The following ABHD2 variants were observed in gnomAD, a reference collection of about 807,000 sequenced individuals.
ABHD2 encodes monoacylglycerol lipase ABHD2.
In ABHD2, 20 loss-of-function variants were observed where a neutral mutation model predicts 48.1. That is an observed-to-expected ratio of 0.42 (90% confidence interval 0.29 to 0.60). The LOEUF (loss-of-function observed/expected upper bound fraction) is 0.60. ABHD2 is among the 20% of genes least tolerant of loss of function. The probability of loss-of-function intolerance (pLI) is 0.24; values close to 1 mark genes in which losing one functional copy is unlikely to be tolerated. For missense variants in ABHD2, 405 were observed against 550.9 expected (o/e 0.74, Z 2.65); for synonymous variants, 209 against 214.2 (o/e 0.98, Z 0.21).
rs1191625427 is a variant in ABHD2 at position 89,185,061 on chromosome 15, A to G, written c.723-363A>G. 6.6e-6 allele frequency among the ~76,000 whole-genome samples: 1 copy of G among 152,232 alleles called. No homozygotes were observed. Among genetic ancestry groups the G allele is most frequent in the Non-Finnish European group, 1.5e-5 (1 of 68,030 alleles). On this transcript the variant is annotated intron_variant, in intron 6 of 10. Transcript: ENST00000352732. The surrounding 1 kb of genome is among the most constrained non-coding windows in gnomAD (Gnocchi z 5.9). The stretch of plus-strand genomic sequence containing the variant: ...AAACCAGAAAACTTGCCTGCCAGGT[A>G]GGGAGCCAAATACAGAAAGTGTTCA...
intron 5 of ABHD2, among the ~76,000 whole-genome samples, chr15:89,171,254 T>C (rs527827333): frequency 1.3e-5 from 2 of 152,292 alleles, no homozygotes; most frequent in East Asian, 3.9e-4. Flanking sequence ...CCCAGACCAG[T>C]GGAATCAGAA....
rs1187886381 is a variant in ABHD2, at chr15:89,173,888, T to A, written c.539-1924T>A. ...AAAGTTGGTGCCTGGGTCCTGCTGT[T>A]TGGGAGGAAGCAGCTCTTGGCCCGG... On this transcript the variant is annotated intron_variant, in intron 5 of 10. Coordinates refer to ENST00000352732, the MANE Select transcript of ABHD2 (RefSeq NM_152924.5). The surrounding 1 kb of genome is among the most constrained non-coding windows in gnomAD (Gnocchi z 6.5). 1.3e-5 allele frequency among the ~76,000 whole-genome samples: 2 copies of A among 152,170 alleles called. No individual in the cohort carries two copies. Among genetic ancestry groups the A allele is most frequent in the African/African-American group, 4.8e-5 (2 of 41,436 alleles).
chr15:89,147,632 C>T (rs796855836), intron 3 of ABHD2, among the ~76,000 whole-genome samples: 187 of 151,406 alleles, frequency 1.2e-3, no homozygotes, highest in African/African-American at 4.2e-3. Flanking sequence ...GGATTACAGG[C>T]GTGAGCCACT....
In ABHD2 at chr15:89,157,336, G is replaced by A. The variant is rs151014098; in HGVS notation, c.538+1802G>A. Among the ~76,000 whole-genome samples, 445 of 152,150 alleles carry A rather than the reference G, an allele frequency of 2.9e-3. 1 individual carries two copies. The highest frequency in any genetic ancestry group is 0.01 in the Middle Eastern group (3 of 294). Reference sequence around the variant, plus strand: ...CCTCCAGCAAGGTCATTCCAATTACGTTGCCACTGGTAACATGCAAGGGCA... The same window carrying A: ...CCTCCAGCAAGGTCATTCCAATTACATTGCCACTGGTAACATGCAAGGGCA... On this transcript the variant is annotated intron_variant, in intron 5 of 10. Coordinates refer to ENST00000352732, the MANE Select transcript of ABHD2 (RefSeq NM_152924.5).
Position 89,114,145 on chromosome 15 carries a change from CTTTG to C in ABHD2, c.-7+326_-7+329del, listed in dbSNP as rs1479910837. On this transcript the variant is annotated intron_variant, in intron 2 of 10. Coordinates refer to ENST00000352732, the MANE Select transcript of ABHD2 (RefSeq NM_152924.5). The surrounding 1 kb of genome is among the most constrained non-coding windows in gnomAD (Gnocchi z 4.2). ...GCATCATCTTGGACATTTGTTTAGC[CTTTG>C]TTTGGCATCCGTGGCAGGGTTTGGA... Among the ~76,000 whole-genome samples, 2 of 152,178 alleles carry C rather than the reference CTTTG, an allele frequency of 1.3e-5. No homozygotes were observed. Among genetic ancestry groups the C allele is most frequent in the African/African-American group, 2.4e-5 (1 of 41,438 alleles).
chr15:89,055,202 A>AC, the ABHD2 span, among the ~76,000 whole-genome samples: 1 of 151,776 alleles, frequency 6.6e-6, no homozygotes, highest in South Asian at 2.1e-4. Flanking sequence ...AGTCCAAAAA[A>AC]CTTTTTTTTT....
At chr15:89,111,816 T>A (rs74777716) in intron 1 of ABHD2, among the ~76,000 whole-genome samples, 1 of 152,194 alleles carries the variant, frequency 6.6e-6, no homozygotes, top group Non-Finnish European at 1.5e-5. Flanking sequence ...TCAAATAGTT[T>A]GTGGAAAGAG....
the ABHD2 span, among the ~76,000 whole-genome samples, chr15:89,078,587 T>C: frequency 6.6e-6 from 1 of 152,218 alleles, no homozygotes; most frequent in African/African-American, 2.4e-5. Flanking sequence ...CGGAAGGCCA[T>C]CTATCTCCCC....
rs1422800825 is a variant in ABHD2 at position 89,135,610 on chromosome 15, TCTTC to T, written c.195-16062_195-16059del. On this transcript the variant is annotated intron_variant, in intron 3 of 10. Transcript: ENST00000352732. ...CTCTTCATCTTCCTCATCTTCCTCC[TCTTC>T]CTTCTTTTTCTTGCTTTTTTCAGCC... 4 of 1,544,920 alleles carry T rather than the reference TCTTC, an allele frequency of 2.6e-6. No individual in the cohort carries two copies. In the African/African-American group the frequency reaches 4.1e-5, roughly 16 times the overall value.
intron 3 of ABHD2, among the ~76,000 whole-genome samples, chr15:89,129,434 T>C (rs1295563797): frequency 6.6e-6 from 1 of 152,092 alleles, no homozygotes; most frequent in African/African-American, 2.4e-5. Flanking sequence ...TTTTTGAGAA[T>C]GTGTTTTCAG....
intron 3 of ABHD2, among the ~76,000 whole-genome samples, chr15:89,124,864 G>A (rs1042762567): frequency 2.0e-5 from 3 of 152,202 alleles, no homozygotes; most frequent in African/African-American, 4.8e-5. Flanking sequence ...CAAGGCAGGC[G>A]GATCACCTGA....
At chr15:89,085,779 T>C (rs1467495612), upstream of ABHD2, among the ~76,000 whole-genome samples, 4 of 152,350 alleles carry the variant, frequency 2.6e-5, no homozygotes, top group East Asian at 7.7e-4. This position sits in a 1 kb window ranked among gnomAD's most constrained non-coding sequence, Gnocchi z 4.2. Flanking sequence ...CTGAATCAAG[T>C]TGGAGAAATC....
intron 3 of ABHD2, among the ~76,000 whole-genome samples, chr15:89,123,920 T>G (rs748580297): frequency 1.3e-5 from 2 of 152,212 alleles, no homozygotes; most frequent in Non-Finnish European, 2.9e-5. Flanking sequence ...TAATTATTTC[T>G]AATAAAGCAG....
chr15:89,056,945 C>T, the ABHD2 span, among the ~76,000 whole-genome samples: 17 of 110,090 alleles, frequency 1.5e-4, no homozygotes, highest in African/African-American at 5.2e-4. Context: ...TGGAGTTTTG[C>T]GCTTGTTGCC....
At chr15:89,075,554 A>T in the ABHD2 span, among the ~76,000 whole-genome samples, 4 of 152,094 alleles carry the variant, frequency 2.6e-5, no homozygotes, top group Non-Finnish European at 5.9e-5. This position sits in a 1 kb window ranked among gnomAD's most constrained non-coding sequence, Gnocchi z 4.1. Context: ...GAGGGAAGGT[A>T]GAAAGGAAGT....
rs1305618424 is a variant in ABHD2, at chr15:89,197,427, C to G, written c.*2004C>G. ...TCTCCTCTGTTACTTTTCCCTTCAC[C>G]CAACTACAGCTGTGATCTAGAACAT... On this transcript the variant is annotated 3_prime_UTR_variant, in exon 11 of 11. Transcript: ENST00000352732. The surrounding 1 kb of genome is among the most constrained non-coding windows in gnomAD (Gnocchi z 4.4). 6.6e-6 allele frequency: 1 copy of G among 152,624 alleles called. No individual in the cohort carries two copies. The highest frequency in any genetic ancestry group is 1.5e-5 in the Non-Finnish European group (1 of 68,052). The allele number at this position is 152,624 out of a possible 1,614,324, so 9.5% of individuals were successfully genotyped here. A position where few individuals can be genotyped will look rare whatever the true frequency, so the allele number is the denominator to read the frequency against.
At chr15:89,080,286 T>C in the ABHD2 span, among the ~76,000 whole-genome samples, 2 of 152,154 alleles carry the variant, frequency 1.3e-5, no homozygotes, top group Non-Finnish European at 1.5e-5. Flanking sequence ...CTGAAGTTCT[T>C]CCCAAGAAAA....
At chr15:89,081,613 T>A in the ABHD2 span, among the ~76,000 whole-genome samples, 1 of 152,154 alleles carries the variant, frequency 6.6e-6, no homozygotes, top group Non-Finnish European at 1.5e-5. Context: ...AAGCCTATAG[T>A]CCCAGCACTC....
chr15:89,049,266 G>C, the ABHD2 span, among the ~76,000 whole-genome samples: 1 of 152,218 alleles, frequency 6.6e-6, no homozygotes, highest in Non-Finnish European at 1.5e-5. Context: ...CCAGCTGCAT[G>C]CTGGGAGAAC....
Sources: gnomAD v4.1 joint callset for allele counts (sites outside exome capture counted in the v4.1 genomes callset) on GRCh38, gnomAD v4.1.1 for gene constraint, Gnocchi (gnomAD v3.1) non-coding constraint, MANE v1.5 for transcripts, NCBI Gene and HGNC (gene_info 2026-07-23, HGNC 2026-07-21) for gene names.